The following RERG variants were observed in gnomAD, a reference collection of about 807,000 sequenced individuals.
RERG encodes the protein ras-related and estrogen-regulated growth inhibitor.
Under a neutral mutation model 23.2 loss-of-function variants are expected in RERG, and 25 were observed. That is an observed-to-expected ratio of 1.08 (90% confidence interval 0.79 to 1.50). The LOEUF (loss-of-function observed/expected upper bound fraction) is 1.50, where lower values mean the gene tolerates loss of function less well. RERG is among the 40% of genes most tolerant of loss of function. RERG has a pLI of 0.00. For synonymous variants in RERG, 81 were observed against 89.1 expected (o/e 0.91, Z 0.51); for missense variants, 253 against 250.1 (o/e 1.01, Z -0.08).
intron 2 of RERG, among the ~76,000 whole-genome samples, chr12:15,204,580 TA>T (rs1591669660): frequency 6.6e-6 from 1 of 151,720 alleles, no homozygotes; most frequent in African/African-American, 2.4e-5. Context: ...TGAAATACAA[TA>T]AATAAGAGGA....
chr12:15,130,383 T>C (rs1396036195), intron 2 of RERG, among the ~76,000 whole-genome samples: 1 of 152,200 alleles, frequency 6.6e-6, no homozygotes, highest in Non-Finnish European at 1.5e-5. Flanking sequence ...TTGCTTTTTA[T>C]GTTCTCCTCC....
intron 2 of RERG, chr12:15,137,820 T>C: frequency 2.3e-6 from 1 of 433,878 alleles, no homozygotes. Flanking sequence ...AATTAAAGTT[T>C]TAATTTTACC....
chr12:15,161,070 G>A (rs1864597470), intron 2 of RERG, among the ~76,000 whole-genome samples: 1 of 151,708 alleles, frequency 6.6e-6, no homozygotes, highest in African/African-American at 2.4e-5. Context: ...AGGAGGCGGA[G>A]GCTGCAGTGA....
At chr12:15,190,359 G>C (rs1222028699) in intron 2 of RERG, among the ~76,000 whole-genome samples, 1 of 152,128 alleles carries the variant, frequency 6.6e-6, no homozygotes, top group East Asian at 1.9e-4. Flanking sequence ...GAAAGTTTAA[G>C]AATTTGTTTT....
chr12:15,130,171 T>C (rs7309422), intron 2 of RERG, among the ~76,000 whole-genome samples: 151,804 of 152,224 alleles, frequency 1, 75,698 homozygotes, highest in East Asian at 1. Flanking sequence ...TTTATCATGC[T>C]CCAGGTACTG....
At chr12:15,155,689 C>A (rs1864511288) in intron 2 of RERG, among the ~76,000 whole-genome samples, 1 of 152,104 alleles carries the variant, frequency 6.6e-6, no homozygotes, top group Non-Finnish European at 1.5e-5. Flanking sequence ...GCATTTACAG[C>A]CTTTCTCTAC....
chr12:15,129,169 G>A (rs1351011182), intron 2 of RERG, among the ~76,000 whole-genome samples: 3 of 152,038 alleles, frequency 2.0e-5, no homozygotes, highest in Non-Finnish European at 2.9e-5. Context: ...CCAAGATTAT[G>A]CCAGTTTGGA....
At chr12:15,198,847 C>G (rs560201046) in intron 2 of RERG, among the ~76,000 whole-genome samples, 1 of 152,316 alleles carries the variant, frequency 6.6e-6, no homozygotes, top group East Asian at 1.9e-4. Context: ...CCTCTGACCT[C>G]AGCCTGGGAA....
At chr12:15,153,098 T>G (rs1475061864) in intron 2 of RERG, among the ~76,000 whole-genome samples, 1 of 152,194 alleles carries the variant, frequency 6.6e-6, no homozygotes, top group Non-Finnish European at 1.5e-5. Flanking sequence ...AGAAAAAAAT[T>G]CGCACCACAA....
At chr12:15,167,669 G>C (rs373238177) in intron 2 of RERG, among the ~76,000 whole-genome samples, 1 of 152,130 alleles carries the variant, frequency 6.6e-6, no homozygotes. Context: ...CTTTAAAAAA[G>C]ATAGTAGTAG....
In RERG at chr12:15,212,139, A is replaced by T. The variant is rs995778313; in HGVS notation, c.61+5290T>A. On this transcript the variant is annotated intron_variant, in intron 2 of 4. Coordinates refer to ENST00000256953, the MANE Select transcript of RERG (RefSeq NM_032918.3). ...CAGTGGCGGAATCTCGGCTCACTGC[A>T]AGCTCCGCTTCCCGGGTTCACGCCA... Among the ~76,000 whole-genome samples the T allele has an allele frequency of 3.6e-5, 5 of 140,498 alleles. No individual in the cohort carries two copies. The South Asian group carries it at 9.1e-4, about 26-fold the overall frequency. The allele number at this position is 140,498 out of a possible 152,430, so 92.2% of individuals were successfully genotyped here.
chr12:15,138,636 C>T (rs1864182860), intron 2 of RERG, among the ~76,000 whole-genome samples: 1 of 151,900 alleles, frequency 6.6e-6, no homozygotes, highest in South Asian at 2.1e-4. Context: ...GCATACTCTA[C>T]CCATTTTTAA....
chr12:15,195,551 CTGTG>C (rs71042238), intron 2 of RERG, among the ~76,000 whole-genome samples: 12,210 of 128,118 alleles, frequency 0.095, 472 homozygotes, highest in Admixed American at 0.14. Flanking sequence ...GCAAGCTTGG[CTGTG>C]TGTGTGTGTG....
chr12:15,165,688 C>T (rs1014360731), intron 2 of RERG, among the ~76,000 whole-genome samples: 1 of 152,160 alleles, frequency 6.6e-6, no homozygotes, highest in Admixed American at 6.5e-5. Context: ...TTATGATGCC[C>T]TGGAGTAAGT....
rs575763738 is a variant in RERG, at chr12:15,206,857, C to G, written c.61+10572G>C. Among the ~76,000 whole-genome samples, 14 of 152,202 alleles carry G rather than the reference C, an allele frequency of 9.2e-5. 1 individual carries two copies. The South Asian group carries it at 2.9e-3, about 32-fold the overall frequency. On this transcript the variant is annotated intron_variant, in intron 2 of 4. Transcript: ENST00000256953. ...GATATTTGGGCCAATAATGGTTGATCACTGTTAGGCACTTTCTGTAGCAAT... is the reference window on the plus strand; with the variant it reads ...GATATTTGGGCCAATAATGGTTGATGACTGTTAGGCACTTTCTGTAGCAAT...
chr12:15,173,007 T>C lies in RERG; in HGVS notation c.61+44422A>G, dbSNP rs574718986. 2.4e-4 allele frequency among the ~76,000 whole-genome samples: 36 copies of C among 152,220 alleles called. No homozygotes were observed. In the South Asian group the frequency reaches 7.5e-3, roughly 32 times the overall value. On this transcript the variant is annotated intron_variant, in intron 2 of 4. Transcript: ENST00000256953. ...CATAAAGTTCAATTTATCAATTTTT[T>C]CTTTTGTCACTTATGCTTTTTGTGT...
intron 3 of RERG, among the ~76,000 whole-genome samples, chr12:15,119,977 T>C (rs1415110004): frequency 2.0e-5 from 3 of 152,124 alleles, no homozygotes; most frequent in Non-Finnish European, 4.4e-5. Flanking sequence ...AACGAAAAAG[T>C]GTGCTGCTTC....
chr12:15,213,527 TGCCAG>T, intron 2 of RERG, among the ~76,000 whole-genome samples: 1 of 152,306 alleles, frequency 6.6e-6, no homozygotes, highest in Middle Eastern at 3.4e-3. Context: ...ACTATCCCTA[TGCCAG>T]CAAGCTCACT....
At chr12:15,182,677 A>T (rs534165539) in intron 2 of RERG, among the ~76,000 whole-genome samples, 2 of 152,338 alleles carry the variant, frequency 1.3e-5, no homozygotes, top group East Asian at 3.9e-4. Context: ...CTAGAATGAC[A>T]TCAAAGTAAA....
Sources: gnomAD v4.1 joint callset for allele counts (sites outside exome capture counted in the v4.1 genomes callset) on GRCh38, gnomAD v4.1.1 for gene constraint, MANE v1.5 for transcripts, NCBI Gene and HGNC (gene_info 2026-07-23, HGNC 2026-07-21) for gene names.